Variants in LMO1 observed in about 807,000 individuals in gnomAD.
LMO1 encodes LIM domain only 1.
A neutral mutation model predicts 18.0 loss-of-function variants in LMO1; 10 were observed. The observed-to-expected ratio is 0.55, with a 90% CI of 0.34 to 0.94. The LOEUF is 0.94. Ranked by LOEUF, LMO1 falls within the 40% of genes least tolerant of loss-of-function variation. LMO1 has a pLI of 0.02. For missense variants in LMO1, 183 were observed against 205.7 expected, an observed-to-expected ratio of 0.89 and a Z score of 0.68; for synonymous variants, 77 against 77.9, an observed-to-expected ratio of 0.99 and a Z score of 0.06.
chr11:8,257,995 C>A (rs1348107317), intron 1 of LMO1, among the ~76,000 whole-genome samples: 1 of 152,194 alleles, frequency 6.6e-6, no homozygotes, highest in African/African-American at 2.4e-5. Flanking sequence ...TACAATCCTG[C>A]CAATTAGATA....
In LMO1 at chr11:8,228,944, G is replaced by A. The variant is rs368842495; in HGVS notation, c.239+1347C>T. Among the ~76,000 whole-genome samples, 185 of 152,290 alleles carry A rather than the reference G, an allele frequency of 1.2e-3. 2 individuals carry two copies. The highest frequency in any genetic ancestry group is 8.7e-3 in the South Asian group (42 of 4,820). ...GCTCTGGCACCCAAGCTGGAGTACA[G>A]TGGCGCAATCACAGCTCACTGCAGC... On this transcript the variant is annotated intron_variant, in intron 2 of 3. Transcript: ENST00000335790.
At chr11:8,238,317 C>T (rs747558648) in intron 1 of LMO1, among the ~76,000 whole-genome samples, 3 of 152,162 alleles carry the variant, frequency 2.0e-5, no homozygotes, top group African/African-American at 4.8e-5. Context: ...AAGGTACATA[C>T]TGTATAATTT....
chr11:8,244,245 C>T (rs1462013814), intron 1 of LMO1, among the ~76,000 whole-genome samples: 1 of 152,196 alleles, frequency 6.6e-6, no homozygotes, highest in Non-Finnish European at 1.5e-5. Context: ...TAGCCCCCAG[C>T]TTGGGAGTGG....
In LMO1 at chr11:8,224,383, C is replaced by T; in HGVS notation, c.*233G>A. The stretch of plus-strand genomic sequence containing the variant: ...ACATTTCTCATAAAATAAATGTTCC[C>T]ATTTATATACAGAAGACAGACTGTA... On this transcript the variant is annotated 3_prime_UTR_variant, in exon 4 of 4. Transcript: ENST00000335790. 2.0e-6 allele frequency: 1 copy of T among 511,370 alleles called. No individual in the cohort carries two copies. Among genetic ancestry groups the T allele is most frequent in the Non-Finnish European group, 3.5e-6 (1 of 287,498 alleles). The allele number at this position is 511,370 out of a possible 1,614,324, so 31.7% of individuals were successfully genotyped here. A position where few individuals can be genotyped will look rare whatever the true frequency, so the allele number is the denominator to read the frequency against.
chr11:8,241,453 A>G (rs374351409), intron 1 of LMO1, among the ~76,000 whole-genome samples: 1 of 152,234 alleles, frequency 6.6e-6, no homozygotes, highest in African/African-American at 2.4e-5. Context: ...TGGCCTGAGA[A>G]TAACACCCAG....
intron 1 of LMO1, among the ~76,000 whole-genome samples, chr11:8,259,796 G>A (rs1025818340): frequency 4.6e-5 from 7 of 152,348 alleles, no homozygotes; most frequent in East Asian, 1.9e-4. Flanking sequence ...ATAGCCATGC[G>A]CCGGCTCTGG....
intron 1 of LMO1, among the ~76,000 whole-genome samples, chr11:8,262,724 G>A (rs1847207084): frequency 6.6e-6 from 1 of 152,344 alleles, no homozygotes; most frequent in Middle Eastern, 3.4e-3. Context: ...CAGGGAGCTA[G>A]CGGGCCGGCA....
intron 1 of LMO1, among the ~76,000 whole-genome samples, chr11:8,255,812 G>A (rs1034962993): frequency 7.0e-6 from 1 of 142,156 alleles, no homozygotes; most frequent in Non-Finnish European, 1.5e-5. Context: ...ATAGCACAAT[G>A]CCGCACTTTT....
Position 8,227,006 on chromosome 11 carries a change from C to A in LMO1, c.334G>T (p.Asp112Tyr). The A allele has an allele frequency of 3.1e-6, 5 of 1,613,446 alleles. No homozygotes were observed. The highest frequency in any genetic ancestry group is 1.7e-6 in the Non-Finnish European group (2 of 1,179,712). The change falls in exon 3 of 4, where the codon GAC becomes TAC. Residue 112 changes from aspartate to tyrosine, a missense_variant. Transcript: ENST00000335790. ...TTGCAGAGCTGGCAGGCGAAGCAGT[C>A]GAGGTGATACACGTTGTCCCGGGCC... Reference protein sequence around the residue: ...MRARDNVYHLDCFACQLCNQR... With the variant: ...MRARDNVYHLYCFACQLCNQR...
At chr11:8,229,604 A>T (rs1008117875) in intron 2 of LMO1, among the ~76,000 whole-genome samples, 18 of 152,188 alleles carry the variant, frequency 1.2e-4, no homozygotes, top group Admixed American at 6.5e-5. Flanking sequence ...GGCCCCAGGG[A>T]ATAGGATCCA....
intron 3 of LMO1, chr11:8,226,721 G>T (rs535410934): frequency 9.7e-6 from 5 of 517,668 alleles, no homozygotes; most frequent in Non-Finnish European, 1.6e-5. Flanking sequence ...ACTCATGCAC[G>T]CCTTCATTAT....
intron 1 of LMO1, among the ~76,000 whole-genome samples, chr11:8,262,550 C>G (rs1847203515): frequency 6.6e-6 from 1 of 152,220 alleles, no homozygotes; most frequent in Non-Finnish European, 1.5e-5. Context: ...ATGGGCTCCT[C>G]TGTTCCGACC....
intron 1 of LMO1, among the ~76,000 whole-genome samples, chr11:8,233,423 G>T (rs1190522072): frequency 6.6e-6 from 1 of 152,188 alleles, no homozygotes; most frequent in East Asian, 1.9e-4. Flanking sequence ...TCCTTCATCT[G>T]CCCATAAGAA....
intron 1 of LMO1, among the ~76,000 whole-genome samples, chr11:8,250,175 C>T (rs565272478): frequency 1.3e-5 from 2 of 152,224 alleles, no homozygotes; most frequent in South Asian, 4.1e-4. Context: ...TTGCCACTGT[C>T]AGGATTTCTT....
intron 2 of LMO1, among the ~76,000 whole-genome samples, chr11:8,228,856 C>T (rs1214581902): frequency 6.6e-6 from 1 of 152,042 alleles, no homozygotes; most frequent in Non-Finnish European, 1.5e-5. Flanking sequence ...CATGGAGGCC[C>T]CTTCTAGGTC....
At position 8,263,547 on chromosome 11, in the gene LMO1, C is replaced by A. The variant is rs1847226882; in HGVS notation, c.-185G>T. 17 of 1,362,718 alleles carry A rather than the reference C, an allele frequency of 1.2e-5. No individual in the cohort carries two copies. The highest frequency in any genetic ancestry group is 1.5e-5 in the Non-Finnish European group (16 of 1,059,872). 84.4% of individuals were successfully genotyped at this position (1,362,718 alleles called of 1,614,324 possible). On this transcript the variant is annotated 5_prime_UTR_variant, in exon 1 of 4. Coordinates refer to ENST00000335790, the MANE Select transcript of LMO1 (RefSeq NM_002315.3). ...TCAGGAGTGAAGCACTTCGCAGATA[C>A]AAAAGCAGTCTCACCTACTTTTGTG...
chr11:8,242,332 T>C (rs1445021489), intron 1 of LMO1, among the ~76,000 whole-genome samples: 2 of 151,964 alleles, frequency 1.3e-5, no homozygotes, highest in East Asian at 3.9e-4. Flanking sequence ...CCTCAGGGGG[T>C]AGCGGGTATC....
At chr11:8,254,672 A>C (rs1454439) in intron 1 of LMO1, among the ~76,000 whole-genome samples, 56,786 of 151,948 alleles carry the variant, frequency 0.37, 12,536 homozygotes, top group Middle Eastern at 0.55. Flanking sequence ...TGGCAGCCCC[A>C]CTCAAACTGC....
At chr11:8,235,231 T>C (rs1323375569) in intron 1 of LMO1, among the ~76,000 whole-genome samples, 2 of 152,210 alleles carry the variant, frequency 1.3e-5, no homozygotes, top group Non-Finnish European at 2.9e-5. Flanking sequence ...TTCAGAACAC[T>C]TGCAAGAATA....
Sources: gnomAD v4.1 joint callset for allele counts (sites outside exome capture counted in the v4.1 genomes callset) on GRCh38, gnomAD v4.1.1 for gene constraint, MANE v1.5 for transcripts, NCBI Gene and HGNC (gene_info 2026-07-23, HGNC 2026-07-21) for gene names.